EPHA5: variants seen among roughly 807,000 people sequenced by gnomAD.
The protein encoded by EPHA5 is EPH receptor A5, also known as ephrin type-A receptor 5.
Under a neutral mutation model 105.0 loss-of-function variants are expected in EPHA5, and 60 were observed. That is an observed-to-expected ratio of 0.57 (90% confidence interval 0.46 to 0.71). The LOEUF (loss-of-function observed/expected upper bound fraction) is 0.71, where lower values mean the gene tolerates loss of function less well. Among genes scored for constraint, EPHA5 ranks in the 30% least tolerant of loss-of-function variants. The probability of loss-of-function intolerance (pLI) is 0.00; values close to 1 mark genes in which losing one functional copy is unlikely to be tolerated. For synonymous variants in EPHA5, 513 were observed against 449.1 expected (o/e 1.14, Z -1.80); for missense variants, 1,218 against 1,274.7 (o/e 0.96, Z 0.68).
rs1315802654 is a variant in EPHA5 at position 65,367,347 on chromosome 4, AT to A, written c.1861+9del. Reference sequence around the variant, plus strand: ...TTTTATTCTATTTTTATTTTTTACAATTTGCTTACTGTGCCCATTATGAAAA... The same window carrying A: ...TTTTATTCTATTTTTATTTTTTACAATTGCTTACTGTGCCCATTATGAAAA... On this transcript the variant is annotated intron_variant, in intron 9 of 16. Coordinates refer to ENST00000613740, the MANE Select transcript of EPHA5 (RefSeq NM_001281766.3). 6.2e-7 allele frequency: 1 copy of A among 1,607,534 alleles called. No individual in the cohort carries two copies. Among genetic ancestry groups the A allele is most frequent in the African/African-American group, 1.3e-5 (1 of 74,732 alleles).
rs1307917431 is a variant in EPHA5 at position 65,320,445 on chromosome 4, T to C, written c.*3669A>G. ...AGACAGTTTACTATCACACTTCTTT[T>C]TTTTCTTATTTTTAGGAAAAACAAA... On this transcript the variant is annotated 3_prime_UTR_variant, in exon 17 of 17. Transcript: ENST00000613740. The C allele has an allele frequency of 4.4e-6, 1 of 229,456 alleles. No individual in the cohort carries two copies. Among genetic ancestry groups the C allele is most frequent in the Non-Finnish European group, 8.6e-6 (1 of 115,704 alleles). The allele number at this position is 229,456 out of a possible 1,614,324, so 14.2% of individuals were successfully genotyped here.
intron 14 of EPHA5, among the ~76,000 whole-genome samples, chr4:65,341,052 C>T (rs1429547417): frequency 6.6e-6 from 1 of 152,088 alleles, no homozygotes; most frequent in Non-Finnish European, 1.5e-5. Context: ...ATCCCGGCTT[C>T]CCTTCATCCC....
chr4:65,368,740 A>T (rs901611543), intron 8 of EPHA5, among the ~76,000 whole-genome samples: 20 of 152,268 alleles, frequency 1.3e-4, no homozygotes, highest in African/African-American at 4.8e-4. Flanking sequence ...TAATATAAAG[A>T]TTCCTAAATG....
intron 3 of EPHA5, among the ~76,000 whole-genome samples, chr4:65,519,472 C>G (rs555659453): frequency 3.9e-5 from 6 of 152,172 alleles, no homozygotes; most frequent in South Asian, 2.1e-4. Flanking sequence ...TGGCACAAGA[C>G]AGGGATGCCC....
In EPHA5 at chr4:65,661,389, T is replaced by C. The variant is rs141936335; in HGVS notation, c.181+8173A>G. ...CTGCATGATTAAGGTAATTTTGTTGTTGTTATTGTTGCCTTCCCTCTTTCT... is the reference window on the plus strand; with the variant it reads ...CTGCATGATTAAGGTAATTTTGTTGCTGTTATTGTTGCCTTCCCTCTTTCT... On this transcript the variant is annotated intron_variant, in intron 1 of 16. Coordinates refer to ENST00000613740, the MANE Select transcript of EPHA5 (RefSeq NM_001281766.3). 4.7e-4 allele frequency among the ~76,000 whole-genome samples: 72 copies of C among 152,270 alleles called. 1 individual carries two copies. In the East Asian group the frequency reaches 0.014, roughly 29 times the overall value.
rs368892010 is a variant in EPHA5 at position 65,334,237 on chromosome 4, C to T, written c.2789+1695G>A. Among the ~76,000 whole-genome samples the T allele has an allele frequency of 1.2e-4, 19 of 152,014 alleles. No homozygotes were observed. The South Asian group carries it at 3.7e-3, about 30-fold the overall frequency. On this transcript the variant is annotated intron_variant, in intron 15 of 16. Transcript: ENST00000613740. ...TTAATGCTGTATCCTCAGCACCTAG[C>T]CCACAGCATGACCCAGAGTATAAAG...
chr4:65,486,587 AC>A (rs1196583192), intron 5 of EPHA5, among the ~76,000 whole-genome samples: 3 of 152,244 alleles, frequency 2.0e-5, no homozygotes, highest in Non-Finnish European at 2.9e-5. Context: ...GGATCTCAAA[AC>A]TAAATTTAAA....
chr4:65,530,136 T>C (rs1735627895), intron 3 of EPHA5, among the ~76,000 whole-genome samples: 1 of 152,154 alleles, frequency 6.6e-6, no homozygotes, highest in East Asian at 1.9e-4. Flanking sequence ...TTATTACATT[T>C]AGTTCAAACT....
rs115256901 is a variant in EPHA5, at chr4:65,533,645, G to A, written c.911-38102C>T. On this transcript the variant is annotated intron_variant, in intron 3 of 16. Coordinates refer to ENST00000613740, the MANE Select transcript of EPHA5 (RefSeq NM_001281766.3). ...CACAAGTCCTTTACTTATTGAAAGA[G>A]GGATGAGGGCCGGGCACAGTGGCTC... is the stretch of plus-strand genomic sequence containing the variant. Among the ~76,000 whole-genome samples the A allele has an allele frequency of 7.9e-3, 1,200 of 152,048 alleles. 14 individuals are homozygous for A. The highest frequency in any genetic ancestry group is 0.027 in the African/African-American group (1,115 of 41,504).
chr4:65,595,988 A>G (rs576665043), intron 3 of EPHA5, among the ~76,000 whole-genome samples: 29 of 152,314 alleles, frequency 1.9e-4, no homozygotes, highest in African/African-American at 6.5e-4. Flanking sequence ...GAATAAGACT[A>G]TATTAATTTT....
At position 65,380,910 on chromosome 4, in the gene EPHA5, G is replaced by A. The variant is rs917980749; in HGVS notation, c.1794-13486C>T. 2.6e-5 allele frequency among the ~76,000 whole-genome samples: 4 copies of A among 151,630 alleles called. No individual in the cohort carries two copies. In the Admixed American group the frequency reaches 2.6e-4, roughly 10 times the overall value. On this transcript the variant is annotated intron_variant, in intron 8 of 16. Coordinates refer to ENST00000613740, the MANE Select transcript of EPHA5 (RefSeq NM_001281766.3). ...TTGTTTCACAAAATGGTTAGATCAT[G>A]GGGTTTGTAGTCAAACTAGAAGCAG...
chr4:65,568,165 A>G (rs1739752662), intron 3 of EPHA5, among the ~76,000 whole-genome samples: 1 of 151,522 alleles, frequency 6.6e-6, no homozygotes, highest in Non-Finnish European at 1.5e-5. Context: ...TCAGATGACA[A>G]CTATATTTTT....
chr4:65,591,026 A>G (rs1454964465), intron 3 of EPHA5, among the ~76,000 whole-genome samples: 1 of 151,906 alleles, frequency 6.6e-6, no homozygotes, highest in African/African-American at 2.4e-5. Context: ...CCCTTCCCCA[A>G]CCCCCTACTC....
intron 11 of EPHA5, among the ~76,000 whole-genome samples, chr4:65,359,962 A>T (rs1717116325): frequency 6.6e-6 from 1 of 151,020 alleles, no homozygotes; most frequent in African/African-American, 2.4e-5. Flanking sequence ...CTTACCAAAG[A>T]CTCCTCTCAA....
At chr4:65,518,117 T>C (rs554563027) in intron 3 of EPHA5, among the ~76,000 whole-genome samples, 10 of 152,104 alleles carry the variant, frequency 6.6e-5, no homozygotes, top group Non-Finnish European at 1.2e-4. Flanking sequence ...TTTGAAGAAC[T>C]AATTATTTCA....
intron 3 of EPHA5, among the ~76,000 whole-genome samples, chr4:65,539,497 T>C (rs1205837811): frequency 6.6e-6 from 1 of 151,594 alleles, no homozygotes; most frequent in African/African-American, 2.4e-5. Context: ...TTCCGTTTGA[T>C]TCTATAACCA....
intron 8 of EPHA5, among the ~76,000 whole-genome samples, chr4:65,374,114 G>C (rs1427924408): frequency 6.6e-6 from 1 of 151,836 alleles, no homozygotes; most frequent in African/African-American, 2.4e-5. Flanking sequence ...GTCTTTTTGA[G>C]AAGTAAAACT....
intron 3 of EPHA5, among the ~76,000 whole-genome samples, chr4:65,532,867 A>T (rs957376974): frequency 1.3e-5 from 2 of 152,032 alleles, no homozygotes; most frequent in Non-Finnish European, 2.9e-5. Context: ...TATGGCCATC[A>T]TTGCCAGCAT....
intron 3 of EPHA5, among the ~76,000 whole-genome samples, chr4:65,536,080 TA>T (rs1220190767): frequency 6.6e-6 from 1 of 152,054 alleles, no homozygotes; most frequent in Admixed American, 6.6e-5. Flanking sequence ...TTCATGTTTT[TA>T]ACATACTTTA....
Sources: gnomAD v4.1 joint callset for allele counts (sites outside exome capture counted in the v4.1 genomes callset) on GRCh38, gnomAD v4.1.1 for gene constraint, MANE v1.5 for transcripts, NCBI Gene and HGNC (gene_info 2026-07-23, HGNC 2026-07-21) for gene names.